The following RAB11FIP4 variants were observed in gnomAD, a reference collection of about 807,000 sequenced individuals.
The protein encoded by RAB11FIP4 is RAB11 family interacting protein 4.
RAB11FIP4 carries 23 observed loss-of-function variants against 74.3 expected under a neutral mutation model. The ratio of observed to expected loss-of-function variants is 0.31; its 90% CI spans 0.22 to 0.44. The LOEUF is 0.44. RAB11FIP4 is among the 20% of genes least tolerant of loss of function. The pLI is 1.00. For missense variants in RAB11FIP4, 630 were observed against 863.9 expected (o/e 0.73, Z 3.39); for synonymous variants, 360 against 359.9 (o/e 1.00, Z 0.00).
At chr17:31,520,535 T>A (rs1317505816) in intron 4 of RAB11FIP4, among the ~76,000 whole-genome samples, 1 of 152,032 alleles carries the variant, frequency 6.6e-6, no homozygotes, top group East Asian at 1.9e-4. Context: ...TGAGACGGAG[T>A]CTCCCTCTGT....
At position 31,488,303 on chromosome 17, in the gene RAB11FIP4, AG is replaced by A. The variant is rs913706741; in HGVS notation, c.337-29345del. On this transcript the variant is annotated intron_variant, in intron 3 of 14. Coordinates refer to ENST00000621161, the MANE Select transcript of RAB11FIP4 (RefSeq NM_032932.6). ...CGGCGGCCCCGGGGCTGGCGCTCGCAGGGCTCCGGCGGCGCGCACCTGGCTC... is the reference window on the plus strand; with the variant it reads ...CGGCGGCCCCGGGGCTGGCGCTCGCAGGCTCCGGCGGCGCGCACCTGGCTC... The A allele has an allele frequency of 2.6e-6, 3 of 1,170,974 alleles. No individual in the cohort carries two copies. In the East Asian group the frequency reaches 1.2e-4, roughly 45 times the overall value. The allele number at this position is 1,170,974 out of a possible 1,614,324, so 72.5% of individuals were successfully genotyped here.
At chr17:31,409,010 C>G (rs2071067694) in intron 1 of RAB11FIP4, among the ~76,000 whole-genome samples, 1 of 152,192 alleles carries the variant, frequency 6.6e-6, no homozygotes, top group African/African-American at 2.4e-5. Flanking sequence ...GATGATGGAC[C>G]AGATGAAACA....
chr17:31,479,348 G>A (rs1335934594), intron 3 of RAB11FIP4, among the ~76,000 whole-genome samples: 1 of 152,192 alleles, frequency 6.6e-6, no homozygotes, highest in Non-Finnish European at 1.5e-5. Flanking sequence ...CCCATCTCAG[G>A]AACTTCAGAA....
chr17:31,479,237 A>G (rs1364534535), intron 3 of RAB11FIP4, among the ~76,000 whole-genome samples: 2 of 152,220 alleles, frequency 1.3e-5, no homozygotes, highest in Non-Finnish European at 2.9e-5. Context: ...GCCCTTGTCC[A>G]AGGTTCCCAT....
intron 3 of RAB11FIP4, among the ~76,000 whole-genome samples, chr17:31,517,371 G>C (rs2072577288): frequency 6.6e-6 from 1 of 152,068 alleles, no homozygotes; most frequent in Non-Finnish European, 1.5e-5. Context: ...TGCCAACCAG[G>C]GTGCCCTGAA....
intron 3 of RAB11FIP4, chr17:31,509,243 A>C (rs865897697): frequency 1.4e-4 from 21 of 150,466 alleles, no homozygotes; most frequent in Non-Finnish European, 1.2e-4. Context: ...GTGATTTATT[A>C]CCTCCCTCTG....
At chr17:31,430,952 A>T (rs2071304254) in intron 1 of RAB11FIP4, among the ~76,000 whole-genome samples, 1 of 151,982 alleles carries the variant, frequency 6.6e-6, no homozygotes, top group Non-Finnish European at 1.5e-5. Flanking sequence ...GTGGTATTGG[A>T]GGGGGTGATC....
chr17:31,524,860 GA>G (rs1362272626), intron 9 of RAB11FIP4: 46 of 607,418 alleles, frequency 7.6e-5, no homozygotes, highest in Admixed American at 2.6e-4. Context: ...GTGCTGCCCT[GA>G]GCGCCCCACC....
At chr17:31,432,091 G>A (rs950124602) in intron 2 of RAB11FIP4, among the ~76,000 whole-genome samples, 191 bp downstream of exon 2, 14 of 152,144 alleles carry the variant, frequency 9.2e-5, no homozygotes, top group African/African-American at 2.4e-4. Context: ...CAGCCGTGGG[G>A]GGCTGTGGTC....
At chr17:31,402,900 C>T (rs1031980451) in intron 1 of RAB11FIP4, among the ~76,000 whole-genome samples, 4 of 152,084 alleles carry the variant, frequency 2.6e-5, no homozygotes, top group African/African-American at 4.8e-5. Flanking sequence ...GCTGGGATTA[C>T]AGGCGTGAGC....
intron 1 of RAB11FIP4, among the ~76,000 whole-genome samples, chr17:31,426,976 T>C (rs2071258674): frequency 6.6e-6 from 1 of 151,298 alleles, no homozygotes; most frequent in African/African-American, 2.4e-5. Flanking sequence ...TTGTTTGCTT[T>C]GAGACGGAAT....
At chr17:31,435,263 G>T (rs1459458225) in intron 3 of RAB11FIP4, among the ~76,000 whole-genome samples, 1 of 152,176 alleles carries the variant, frequency 6.6e-6, no homozygotes, top group African/African-American at 2.4e-5. Context: ...AGGTGGGAAG[G>T]TGAGAAAGTT....
intron 3 of RAB11FIP4, among the ~76,000 whole-genome samples, chr17:31,450,233 T>C (rs1473693816): frequency 6.6e-6 from 1 of 151,900 alleles, no homozygotes; most frequent in Non-Finnish European, 1.5e-5. Context: ...AGCCAACCTC[T>C]CCCTTCTCAG....
chr17:31,401,937 C>T (rs2070990246), intron 1 of RAB11FIP4, among the ~76,000 whole-genome samples: 2 of 152,170 alleles, frequency 1.3e-5, no homozygotes, highest in South Asian at 4.1e-4. Context: ...TCCATCTGCT[C>T]ACACTTCCTC....
rs1248684964 is a variant in RAB11FIP4 at position 31,391,682 on chromosome 17, C to T, written c.-171C>T. 3.7e-6 allele frequency: 1 copy of T among 270,322 alleles called. No homozygotes were observed. Among genetic ancestry groups the T allele is most frequent in the Admixed American group, 6.7e-5 (1 of 14,896 alleles). The allele number at this position is 270,322 out of a possible 1,614,324, so 16.7% of individuals were successfully genotyped here. On this transcript the variant is annotated 5_prime_UTR_variant, in exon 1 of 15. Transcript: ENST00000621161. ...TCCCCTCCCTTCCCCTCCGGAGCGG[C>T]TGGGGCTGCGGCGCCGCTGCTGACA...
chr17:31,403,163 C>A (rs965673070), intron 1 of RAB11FIP4, among the ~76,000 whole-genome samples: 2 of 143,086 alleles, frequency 1.4e-5, no homozygotes, highest in African/African-American at 5.1e-5. Flanking sequence ...GCACCTCTGA[C>A]CCCTTTCTCT....
intron 3 of RAB11FIP4, among the ~76,000 whole-genome samples, chr17:31,514,172 C>G (rs2072503491): frequency 1.3e-5 from 2 of 152,266 alleles, no homozygotes; most frequent in Admixed American, 1.3e-4. Context: ...TGAGGCTGCT[C>G]TCTCCACCCG....
intron 3 of RAB11FIP4, chr17:31,488,051 A>G (rs896613021): frequency 9.9e-7 from 1 of 1,014,916 alleles, no homozygotes; most frequent in Non-Finnish European, 1.2e-6. Context: ...TGATACAAAG[A>G]GCCCTTCGGC....
chr17:31,500,924 G>A (rs2072208326), intron 3 of RAB11FIP4, among the ~76,000 whole-genome samples: 1 of 152,074 alleles, frequency 6.6e-6, no homozygotes, highest in South Asian at 2.1e-4. Flanking sequence ...TCAGGAGGCT[G>A]AGGCAGGAGA....
Sources: allele counts gnomAD v4.1 joint callset (sites outside exome capture counted in the v4.1 genomes callset), GRCh38; gene constraint gnomAD v4.1.1; transcripts MANE v1.5; gene names NCBI Gene and HGNC (gene_info 2026-07-23, HGNC 2026-07-21).